Variants in RNF10 observed in about 807,000 individuals in gnomAD.
RNF10 encodes the protein E3 ubiquitin-protein ligase RNF10.
Under a neutral mutation model 91.4 loss-of-function variants are expected in RNF10, and 38 were observed. That is an observed-to-expected ratio of 0.42 (90% CI 0.32 to 0.54). The LOEUF is 0.54. Among genes scored for constraint, RNF10 ranks in the 20% least tolerant of loss-of-function variants. The pLI, the probability that RNF10 is intolerant of heterozygous loss-of-function variation, is 0.16. For synonymous variants in RNF10, 364 were observed against 366.3 expected (o/e 0.99, Z 0.07); for missense variants, 945 against 1,012.0 (o/e 0.93, Z 0.90).
chr12:120,563,667 T>G, intron 9 of RNF10, 44 bp downstream of exon 9: 1 of 1,571,116 alleles, frequency 6.4e-7, no homozygotes, highest in Non-Finnish European at 8.6e-7. Flanking sequence ...CAGAGGTGTT[T>G]CAGAGGTGAC....
chr12:120,552,754 G>A, intron 3 of RNF10, 56 bp downstream of exon 3: 1 of 1,507,272 alleles, frequency 6.6e-7, no homozygotes, highest in Non-Finnish European at 9.1e-7. Flanking sequence ...GGATAGCTGT[G>A]GTGCCTCTGT....
chr12:120,540,723 T>G (rs997375318), intron 1 of RNF10, among the ~76,000 whole-genome samples: 6 of 152,218 alleles, frequency 3.9e-5, no homozygotes, highest in Non-Finnish European at 8.8e-5. Flanking sequence ...AGTTGTTATG[T>G]GTTTTGGAAA....
intron 14 of RNF10, among the ~76,000 whole-genome samples, chr12:120,572,745 C>T (rs953603727): frequency 4.0e-5 from 6 of 151,718 alleles, no homozygotes; most frequent in South Asian, 2.1e-4. Context: ...GGGTTACAGG[C>T]GCCTACCACC....
In RNF10 at chr12:120,546,608, A is replaced by C; in HGVS notation, c.354+7A>C. The C allele has an allele frequency of 6.2e-7, 1 of 1,610,160 alleles. No individual in the cohort carries two copies. Among genetic ancestry groups the C allele is most frequent in the East Asian group, 2.2e-5 (1 of 44,854 alleles). On this transcript the variant is annotated splice_region_variant and intron_variant, in intron 2 of 16. Transcript: ENST00000325954. Reference sequence around the variant, plus strand: ...TGGTGGAAGACGAGATGAGGTATGGAATTTGAGAATGTCCTTTCTAGAGCA... The same window carrying C: ...TGGTGGAAGACGAGATGAGGTATGGCATTTGAGAATGTCCTTTCTAGAGCA...
At chr12:120,568,986 T>C (rs1754328174) in intron 13 of RNF10, among the ~76,000 whole-genome samples, 1 of 151,868 alleles carries the variant, frequency 6.6e-6, no homozygotes. Flanking sequence ...TTTGTTTTGT[T>C]TTAGATGGAG....
intron 2 of RNF10, among the ~76,000 whole-genome samples, chr12:120,549,448 CAG>C (rs1417303407): frequency 6.6e-6 from 1 of 152,088 alleles, no homozygotes. Context: ...TTGAATTAAT[CAG>C]GGGAAGGTTT....
In RNF10 at chr12:120,571,174, C is replaced by G. The variant is rs761094767; in HGVS notation, c.2042-17C>G. 8 of 1,580,826 alleles carry G rather than the reference C, an allele frequency of 5.1e-6. No homozygotes were observed. In the South Asian group the frequency reaches 8.8e-5, roughly 17 times the overall value. On this transcript the variant is annotated splice_polypyrimidine_tract_variant and intron_variant, in intron 13 of 16. Coordinates refer to ENST00000325954, the MANE Select transcript of RNF10 (RefSeq NM_014868.5). ...TGGAACGTGACGAATATAATCAGGTCTCTGGTTCCCTTTCAGACTTTCTGC... is the reference window on the plus strand; with the variant it reads ...TGGAACGTGACGAATATAATCAGGTGTCTGGTTCCCTTTCAGACTTTCTGC...
chr12:120,575,579 A>C, intron 14 of RNF10, 52 bp from the exon 15 acceptor site: 1 of 1,605,482 alleles, frequency 6.2e-7, no homozygotes, highest in Non-Finnish European at 8.5e-7. Flanking sequence ...CTGAAAAAGA[A>C]GTTGGACCAG....
chr12:120,567,878 T>C (rs567885135), intron 13 of RNF10, among the ~76,000 whole-genome samples: 1 of 151,938 alleles, frequency 6.6e-6, no homozygotes, highest in African/African-American at 2.4e-5. Flanking sequence ...TGTGTGTGTG[T>C]GTGTATGTAT....
At chr12:120,560,466 T>G (rs1874684797) in intron 6 of RNF10, among the ~76,000 whole-genome samples, 1 of 152,200 alleles carries the variant, frequency 6.6e-6, no homozygotes, top group South Asian at 2.1e-4. Context: ...TTTGAGCTTT[T>G]CTGATATTAC....
chr12:120,560,708 T>C lies in RNF10; in HGVS notation c.968-18T>C, dbSNP rs749094770. 2 of 1,604,146 alleles carry C rather than the reference T, an allele frequency of 1.2e-6. No individual in the cohort carries two copies. Among genetic ancestry groups the C allele is most frequent in the Non-Finnish European group, 1.7e-6 (2 of 1,172,092 alleles). On this transcript the variant is annotated intron_variant, in intron 6 of 16. Transcript: ENST00000325954. Reference sequence around the variant, plus strand: ...CTTTGAATGTTGCATTTCTTTGATCTTGCTGGCATTCTTATAGATGAACAG... The same window carrying C: ...CTTTGAATGTTGCATTTCTTTGATCCTGCTGGCATTCTTATAGATGAACAG...
At position 120,575,797 on chromosome 12, in the gene RNF10, A is replaced by G; in HGVS notation, c.2206A>G (p.Asn736Asp). The G allele has an allele frequency of 6.2e-7, 1 of 1,614,166 alleles. No individual in the cohort carries two copies. The highest frequency in any genetic ancestry group is 8.5e-7 in the Non-Finnish European group (1 of 1,180,014). The change falls in exon 16 of 17, where the codon AAC becomes GAC. Residue 736 changes from asparagine to aspartate, a missense_variant. Transcript: ENST00000325954. The stretch of plus-strand genomic sequence containing the variant: ...TTAACACTGGTATTTTTTAGATGAG[A>G]ACAGCTTAGTTCCTCCTGCCCCTGT... ...WPKTAPKKDE[N>D]SLVPPAPVDS...
chr12:120,576,859 T>C lies in RNF10; in HGVS notation c.*193T>C, dbSNP rs1175166525. 5 of 628,778 alleles carry C rather than the reference T, an allele frequency of 8.0e-6. No homozygotes were observed. Among genetic ancestry groups the C allele is most frequent in the Non-Finnish European group, 1.3e-5 (5 of 381,648 alleles). The allele number at this position is 628,778 out of a possible 1,614,324, so 38.9% of individuals were successfully genotyped here. ...AGTGTATTTTCCAGCTTCCTGTCTT[T>C]ACACCAAAATAAAGTATTGACACAA... On this transcript the variant is annotated 3_prime_UTR_variant, in exon 17 of 17. Coordinates refer to ENST00000325954, the MANE Select transcript of RNF10 (RefSeq NM_014868.5).
intron 1 of RNF10, among the ~76,000 whole-genome samples, chr12:120,541,099 C>T (rs891592874): frequency 3.3e-5 from 5 of 152,140 alleles, no homozygotes; most frequent in East Asian, 1.9e-4. Context: ...TCAGGTGATC[C>T]GCCCGCCTCG....
intron 7 of RNF10, among the ~76,000 whole-genome samples, chr12:120,562,105 C>T (rs565971433): frequency 3.0e-4 from 45 of 151,972 alleles, no homozygotes; most frequent in African/African-American, 1.1e-3. Context: ...AGGTATTAAG[C>T]TTAGTACCCA....
In RNF10 at chr12:120,563,021, T is replaced by C. The variant is rs1203698145; in HGVS notation, c.1205T>C (p.Leu402Pro). The C allele has an allele frequency of 6.2e-7, 1 of 1,614,020 alleles. No individual in the cohort carries two copies. Among genetic ancestry groups the C allele is most frequent in the Non-Finnish European group, 8.5e-7 (1 of 1,180,012 alleles). Residue 402 changes from leucine (L) to proline (P), a missense_variant, in exon 8 of 17, where the codon CTG becomes CCG. Physicochemically the swap from Leu to Pro is moderately conservative, Grantham distance 98. Coordinates refer to ENST00000325954, the MANE Select transcript of RNF10 (RefSeq NM_014868.5). ...GGTGTTGTGGCTGCTCTGGAACAAC[T>C]GGTGCTGATGGCTCCCTTGGCGAAG... ...VTGVVAALEQ[L>P]VLMAPLAKES... is the part of the protein sequence containing the mutation.
At chr12:120,566,272 A>G (rs1264274011) in intron 12 of RNF10, among the ~76,000 whole-genome samples, 2 of 152,242 alleles carry the variant, frequency 1.3e-5, no homozygotes, top group Non-Finnish European at 2.9e-5. Context: ...TTATGGAAAT[A>G]TCAAGACAAG....
intron 13 of RNF10, among the ~76,000 whole-genome samples, 197 bp from the exon 14 acceptor site, chr12:120,570,994 G>A (rs929366741): frequency 5.3e-5 from 8 of 151,972 alleles, no homozygotes; most frequent in African/African-American, 1.9e-4. Flanking sequence ...TTCCTGTACC[G>A]GTCGCTGATT....
At chr12:120,549,217 T>C (rs1236687981) in intron 2 of RNF10, among the ~76,000 whole-genome samples, 1 of 152,114 alleles carries the variant, frequency 6.6e-6, no homozygotes, top group Non-Finnish European at 1.5e-5. Flanking sequence ...ATTGTTCTAA[T>C]TTTCTCAGTG....
Sources: allele counts gnomAD v4.1 joint callset (sites outside exome capture counted in the v4.1 genomes callset), GRCh38; gene constraint gnomAD v4.1.1; transcripts MANE v1.5; gene names NCBI Gene and HGNC (gene_info 2026-07-23, HGNC 2026-07-21).